PLGRKT: variants seen among roughly 807,000 people sequenced by gnomAD.
The protein encoded by PLGRKT is plasminogen receptor (KT).
Under a neutral mutation model 18.5 loss-of-function variants are expected in PLGRKT, and 22 were observed. The ratio of observed to expected loss-of-function variants is 1.19; its 90% CI spans 0.85 to 1.70. The LOEUF is 1.70. Among genes scored for constraint, PLGRKT ranks in the 40% most tolerant of loss-of-function variants. The probability of loss-of-function intolerance (pLI) is 0.00; values close to 1 mark genes in which losing one functional copy is unlikely to be tolerated. For missense variants in PLGRKT, 235 were observed against 174.4 expected, an observed-to-expected ratio of 1.35 and a Z score of -1.96; for synonymous variants, 72 against 52.8, an observed-to-expected ratio of 1.36 and a Z score of -1.58.
At chr9:5,417,252 A>G (rs1259759406) in intron 3 of PLGRKT, among the ~76,000 whole-genome samples, 1 of 152,176 alleles carries the variant, frequency 6.6e-6, no homozygotes, top group Non-Finnish European at 1.5e-5. Context: ...GTGACCCCTA[A>G]TATTTACTGT....
chr9:5,419,954 A>G (rs1225349150), intron 3 of PLGRKT, among the ~76,000 whole-genome samples: 2 of 152,244 alleles, frequency 1.3e-5, no homozygotes, highest in Non-Finnish European at 2.9e-5. Context: ...CACAATATCC[A>G]AAAGGTAGAA....
chr9:5,426,855 G>C (rs1347067499), intron 3 of PLGRKT, among the ~76,000 whole-genome samples: 2 of 152,160 alleles, frequency 1.3e-5, no homozygotes, highest in East Asian at 1.9e-4. Context: ...ATGTACCTCA[G>C]CTATGTCACA....
chr9:5,437,015 T>G (rs1014321969), intron 1 of PLGRKT, among the ~76,000 whole-genome samples: 1 of 152,202 alleles, frequency 6.6e-6, no homozygotes. Flanking sequence ...TAAACATCAC[T>G]GTGTCTCAGA....
rs1399175150 is a variant in PLGRKT at position 5,364,244 on chromosome 9, C to T, written c.82-2356G>A. ...AATTTCTAAAGGCTTCCAGATAGTT[C>T]CCGTGTGCAGCCGGGACTGAGAACC... is the stretch of plus-strand genomic sequence containing the variant. On this transcript the variant is annotated intron_variant, in intron 3 of 5. Transcript: ENST00000223864. 3.9e-5 allele frequency among the ~76,000 whole-genome samples: 6 copies of T among 152,146 alleles called. No homozygotes were observed. In the East Asian group the frequency reaches 1.2e-3, roughly 29 times the overall value.
At chr9:5,425,046 C>T (rs918256148) in intron 3 of PLGRKT, among the ~76,000 whole-genome samples, 4 of 152,088 alleles carry the variant, frequency 2.6e-5, no homozygotes, top group African/African-American at 9.7e-5. Flanking sequence ...TAGTTTGTTG[C>T]TTGAACACAA....
chr9:5,365,670 G>A (rs921507537), intron 3 of PLGRKT, among the ~76,000 whole-genome samples: 6 of 152,146 alleles, frequency 3.9e-5, no homozygotes, highest in African/African-American at 1.4e-4. Context: ...ATCTGAACGT[G>A]GGATGTATTG....
At chr9:5,427,982 G>A (rs1261466239) in intron 3 of PLGRKT, among the ~76,000 whole-genome samples, 1 of 152,130 alleles carries the variant, frequency 6.6e-6, no homozygotes, top group Non-Finnish European at 1.5e-5. Context: ...GTGTCCTAAT[G>A]GTGCTTTGGC....
rs1818367071 is a variant in PLGRKT, at chr9:5,411,554, T to C, written c.81+20343A>G. Among the ~76,000 whole-genome samples, 3 of 151,936 alleles carry C rather than the reference T, an allele frequency of 2.0e-5. No individual in the cohort carries two copies. The South Asian group carries it at 6.2e-4, about 31-fold the overall frequency. ...GTTACTGAACCAGTAAGTGATAGAG[T>C]CAGGTTCGGACACAGGTATATGTGA... On this transcript the variant is annotated intron_variant, in intron 3 of 5. Coordinates refer to ENST00000223864, the MANE Select transcript of PLGRKT (RefSeq NM_018465.4).
At chr9:5,428,341 G>C (rs1273602408) in intron 3 of PLGRKT, among the ~76,000 whole-genome samples, 2 of 152,130 alleles carry the variant, frequency 1.3e-5, no homozygotes, top group African/African-American at 4.8e-5. Context: ...GGAACTTCAG[G>C]GCAGGGAAGG....
chr9:5,365,807 A>G lies in PLGRKT; in HGVS notation c.82-3919T>C, dbSNP rs187312534. 1.9e-4 allele frequency among the ~76,000 whole-genome samples: 29 copies of G among 152,270 alleles called. No homozygotes were observed. The East Asian group carries it at 5.2e-3, about 27-fold the overall frequency. ...TTCTATATGCCTTTTCTAAAAACCT[A>G]AAACTACTCTCAAATTTAAGTATAT... On this transcript the variant is annotated intron_variant, in intron 3 of 5. Coordinates refer to ENST00000223864, the MANE Select transcript of PLGRKT (RefSeq NM_018465.4).
At position 5,431,955 on chromosome 9, in the gene PLGRKT, G is replaced by A. The variant is rs1375452099; in HGVS notation, c.23C>T (p.Ser8Phe). 4 of 1,538,210 alleles carry A rather than the reference G, an allele frequency of 2.6e-6. No homozygotes were observed. The South Asian group carries it at 4.5e-5, about 17-fold the overall frequency. ...TTGATTTTTCATGCTTTCATTCATA[G>A]ATTTTGAAAATATAAACCCCATTTT... The part of the protein sequence containing the change: MGFIFSK[S>F]MNESMKNQKE... Residue 8 changes from serine to phenylalanine, a missense_variant, in exon 3 of 6, where the codon TCT becomes TTT. Physicochemically the swap from Ser to Phe is radical, Grantham distance 155. Transcript: ENST00000223864.
intron 2 of PLGRKT, among the ~76,000 whole-genome samples, chr9:5,433,269 C>T (rs1443480016): frequency 2.7e-5 from 4 of 150,428 alleles, no homozygotes; most frequent in Non-Finnish European, 5.9e-5. Context: ...CTGGCCACCC[C>T]GTCTAGGAAG....
At chr9:5,437,151 G>A (rs1818975746) in intron 1 of PLGRKT, among the ~76,000 whole-genome samples, 1 of 152,124 alleles carries the variant, frequency 6.6e-6, no homozygotes, top group African/African-American at 2.4e-5. Context: ...AGATTACTAT[G>A]GGAAGGTGTA....
intron 3 of PLGRKT, among the ~76,000 whole-genome samples, chr9:5,366,797 A>C (rs1001802302): frequency 6.6e-6 from 1 of 152,112 alleles, no homozygotes; most frequent in East Asian, 1.9e-4. Flanking sequence ...ATGGAAAAAC[A>C]AGTCAAATAA....
At chr9:5,436,948 A>G (rs1818972194) in intron 1 of PLGRKT, among the ~76,000 whole-genome samples, 1 of 152,126 alleles carries the variant, frequency 6.6e-6, no homozygotes, top group African/African-American at 2.4e-5. Context: ...AGTCTTTTAA[A>G]AATTCTAACA....
chr9:5,431,913 A>G lies in PLGRKT; in HGVS notation c.65T>C (p.Met22Thr), dbSNP rs75728340. 6.5e-3 allele frequency: 9,834 copies of G among 1,516,822 alleles called. 153 individuals carry two copies. The highest frequency in any genetic ancestry group is 0.054 in the East Asian group (2,395 of 44,382). The allele number at this position is 1,516,822 out of a possible 1,614,324, so 94.0% of individuals were successfully genotyped here. ...SMKNQKEFML[M>T]NARLQLERQL... ...AAAACATACCTGAAGTCGAGCATTC[A>G]TAAGCATGAACTCCTTTTGATTTTT... The change falls in exon 3 of 6, where the codon ATG (methionine) becomes ACG (threonine). Residue 22 changes from methionine to threonine, a missense_variant. Physicochemically the swap from Met to Thr is moderately conservative, Grantham distance 81. Coordinates refer to ENST00000223864, the MANE Select transcript of PLGRKT (RefSeq NM_018465.4).
At chr9:5,360,333 G>C (rs1817235466) in intron 5 of PLGRKT, among the ~76,000 whole-genome samples, 1 of 152,118 alleles carries the variant, frequency 6.6e-6, no homozygotes, top group African/African-American at 2.4e-5. Flanking sequence ...CTGTCTTAAA[G>C]GGCCAGACAG....
At chr9:5,378,742 G>T (rs1817680252) in intron 3 of PLGRKT, among the ~76,000 whole-genome samples, 1 of 152,024 alleles carries the variant, frequency 6.6e-6, no homozygotes. Flanking sequence ...AAGCAAAACT[G>T]TTGGGAATAC....
In PLGRKT at chr9:5,377,042, G is replaced by T. The variant is rs1454864227; in HGVS notation, c.82-15154C>A. Reference sequence around the variant, plus strand: ...CATTTCAGAATGAATCTGTACTCAGGCTGCCTGGGAAGTTAGAGATCTGTT... The same window carrying T: ...CATTTCAGAATGAATCTGTACTCAGTCTGCCTGGGAAGTTAGAGATCTGTT... On this transcript the variant is annotated intron_variant, in intron 3 of 5. Coordinates refer to ENST00000223864, the MANE Select transcript of PLGRKT (RefSeq NM_018465.4). Among the ~76,000 whole-genome samples, 7 of 152,102 alleles carry T rather than the reference G, an allele frequency of 4.6e-5. No homozygotes were observed. In the East Asian group the frequency reaches 1.2e-3, roughly 25 times the overall value.
Sources: allele counts gnomAD v4.1 joint callset (sites outside exome capture counted in the v4.1 genomes callset), GRCh38; gene constraint gnomAD v4.1.1; transcripts MANE v1.5; gene names NCBI Gene and HGNC (gene_info 2026-07-23, HGNC 2026-07-21).